The following PACS1 variants were observed in gnomAD, a reference collection of about 807,000 sequenced individuals.
PACS1 encodes phosphofurin acidic cluster sorting protein 1.
In PACS1, 24 loss-of-function variants were observed where a neutral mutation model predicts 115.0. The ratio of observed to expected loss-of-function variants is 0.21; its 90% CI spans 0.15 to 0.29. The LOEUF (loss-of-function observed/expected upper bound fraction) is 0.29. Among genes scored for constraint, PACS1 ranks in the 10% least tolerant of loss-of-function variants. The pLI is 1.00. For synonymous variants in PACS1, 453 were observed against 504.5 expected (o/e 0.90, Z 1.37); for missense variants, 838 against 1,251.2 (o/e 0.67, Z 4.98).
At chr11:66,171,907 G>A (rs1200353113) in intron 1 of PACS1, among the ~76,000 whole-genome samples, 1 of 152,002 alleles carries the variant, frequency 6.6e-6, no homozygotes, top group Non-Finnish European at 1.5e-5. Context: ...CTATGCATTC[G>A]AAAGATAGAC....
At chr11:66,082,123 C>T (rs920030202) in intron 1 of PACS1, among the ~76,000 whole-genome samples, 6 of 152,204 alleles carry the variant, frequency 3.9e-5, no homozygotes, top group African/African-American at 1.4e-4. Flanking sequence ...TTCCTTGAAT[C>T]TGGATCTTAA....
At chr11:66,202,897 C>T (rs952767830) in intron 2 of PACS1, among the ~76,000 whole-genome samples, 1 of 151,536 alleles carries the variant, frequency 6.6e-6, no homozygotes, top group African/African-American at 2.4e-5. Context: ...AGACCTATCA[C>T]TTGTATCAGA....
rs190182127 is a variant in PACS1 at position 66,077,417 on chromosome 11, C to A, written c.356+6575C>A. ...TCCACAAAAAATAAACAAAATTAGC[C>A]AGGTGTGGTGGCGTGCGCCTGTGGT... On this transcript the variant is annotated intron_variant, in intron 1 of 23. Coordinates refer to ENST00000320580, the MANE Select transcript of PACS1 (RefSeq NM_018026.4). Among the ~76,000 whole-genome samples, 14 of 152,196 alleles carry A rather than the reference C, an allele frequency of 9.2e-5. 1 individual carries two copies. Among genetic ancestry groups the A allele is most frequent in the Admixed American group, 9.2e-4 (14 of 15,276 alleles).
chr11:66,217,686 C>T, intron 7 of PACS1: 1 of 450,306 alleles, frequency 2.2e-6, no homozygotes, highest in Non-Finnish European at 4.5e-6. Context: ...GGACTGTTTC[C>T]TTGTCCTCAG....
chr11:66,112,514 C>CT (rs1408887799), intron 1 of PACS1, among the ~76,000 whole-genome samples: 1 of 152,180 alleles, frequency 6.6e-6, no homozygotes. Flanking sequence ...TTACTTTAAA[C>CT]TTTTTTTCTA....
chr11:66,207,280 A>G (rs1387338591), intron 2 of PACS1, among the ~76,000 whole-genome samples: 1 of 152,208 alleles, frequency 6.6e-6, no homozygotes. Flanking sequence ...CAGCCTGGCC[A>G]ACATGATAAA....
At chr11:66,140,596 A>G (rs527922594) in intron 1 of PACS1, among the ~76,000 whole-genome samples, 5 of 152,130 alleles carry the variant, frequency 3.3e-5, no homozygotes, top group Admixed American at 6.6e-5. Context: ...TCAAAATTCA[A>G]AAGATATAGA....
At chr11:66,222,562 C>T (rs1256247780) in intron 10 of PACS1, among the ~76,000 whole-genome samples, 1 of 152,132 alleles carries the variant, frequency 6.6e-6, no homozygotes, top group Non-Finnish European at 1.5e-5. Flanking sequence ...GATGTGAGTG[C>T]CCAGCTTAGG....
At chr11:66,126,515 C>T (rs1858575822) in intron 1 of PACS1, among the ~76,000 whole-genome samples, 1 of 152,168 alleles carries the variant, frequency 6.6e-6, no homozygotes, top group African/African-American at 2.4e-5. Flanking sequence ...ATTTAAATTA[C>T]TGGTCTGTCC....
intron 14 of PACS1, 103 bp downstream of exon 14, chr11:66,232,379 A>G: frequency 1.5e-6 from 1 of 672,676 alleles, no homozygotes; most frequent in South Asian, 1.7e-5. Flanking sequence ...GAGGTGGGGA[A>G]CTCACCCCTC....
intron 1 of PACS1, among the ~76,000 whole-genome samples, chr11:66,127,535 T>C (rs1647567296): frequency 6.6e-6 from 1 of 152,186 alleles, no homozygotes; most frequent in Non-Finnish European, 1.5e-5. Flanking sequence ...AGGCTTCTTC[T>C]CTGTGTAACT....
chr11:66,207,399 G>A (rs1422420069), intron 2 of PACS1, among the ~76,000 whole-genome samples: 2 of 149,490 alleles, frequency 1.3e-5, no homozygotes, highest in African/African-American at 2.5e-5. Flanking sequence ...CCTGGGAGGC[G>A]GAGATTGCAG....
At chr11:66,123,769 C>T (rs1353186989) in intron 1 of PACS1, among the ~76,000 whole-genome samples, 1 of 151,654 alleles carries the variant, frequency 6.6e-6, no homozygotes, top group Non-Finnish European at 1.5e-5. Context: ...GATCCACCCA[C>T]CTCAGCCTCC....
At chr11:66,078,591 C>T (rs1857431805) in intron 1 of PACS1, among the ~76,000 whole-genome samples, 1 of 152,296 alleles carries the variant, frequency 6.6e-6, no homozygotes, top group Non-Finnish European at 1.5e-5. Flanking sequence ...ACTCTGTTGC[C>T]CAAACTGGAA....
chr11:66,143,195 C>T (rs1859038385), intron 1 of PACS1, among the ~76,000 whole-genome samples: 1 of 152,124 alleles, frequency 6.6e-6, no homozygotes, highest in Non-Finnish European at 1.5e-5. Flanking sequence ...GTAATCAATT[C>T]CGCCTTATCA....
At chr11:66,158,609 G>T (rs1218640626) in intron 1 of PACS1, among the ~76,000 whole-genome samples, 49 of 152,202 alleles carry the variant, frequency 3.2e-4, no homozygotes, top group Non-Finnish European at 1.5e-5. Flanking sequence ...GCTGAGGTGG[G>T]AGTATTGCGT....
chr11:66,146,971 C>T (rs1291546305), intron 1 of PACS1, among the ~76,000 whole-genome samples: 2 of 152,152 alleles, frequency 1.3e-5, no homozygotes, highest in South Asian at 4.1e-4. Context: ...GCAGGAGAAT[C>T]GCTTGAACCT....
At chr11:66,162,221 A>G (rs1277183785) in intron 1 of PACS1, among the ~76,000 whole-genome samples, 1 of 145,610 alleles carries the variant, frequency 6.9e-6, no homozygotes, top group Non-Finnish European at 1.5e-5. Context: ...TCCCAGGTTC[A>G]AGTGATTCTC....
chr11:66,102,304 CTATTATTAT>C (rs546729593), intron 1 of PACS1, among the ~76,000 whole-genome samples: 1 of 150,394 alleles, frequency 6.6e-6, no homozygotes, highest in Non-Finnish European at 1.5e-5. Flanking sequence ...ATCGGATTTA[CTATTATTAT>C]TATTATTATT....
Sources: allele counts gnomAD v4.1 joint callset (sites outside exome capture counted in the v4.1 genomes callset), GRCh38; gene constraint gnomAD v4.1.1; transcripts MANE v1.5; gene names NCBI Gene and HGNC (gene_info 2026-07-23, HGNC 2026-07-21).